GRID2: variants seen among roughly 807,000 people sequenced by gnomAD.
GRID2 encodes glutamate receptor ionotropic, delta-2.
GRID2 carries 33 observed loss-of-function variants against 114.8 expected under a neutral mutation model. That is an observed-to-expected ratio of 0.29 (90% CI 0.22 to 0.38). GRID2 has a LOEUF of 0.38. Ranked by LOEUF, GRID2 falls within the 10% of genes least tolerant of loss-of-function variation. The pLI is 1.00. For missense variants in GRID2, 1,184 were observed against 1,257.7 expected (o/e 0.94, Z 0.89); for synonymous variants, 505 against 449.9 (o/e 1.12, Z -1.55).
chr4:93,789,839 T>C (rs183806398), intron 1 of GRID2, among the ~76,000 whole-genome samples: 143 of 152,284 alleles, frequency 9.4e-4, no homozygotes, highest in African/African-American at 3.3e-3. Flanking sequence ...CCCCGGGCCA[T>C]GGGCCAGTAC....
At chr4:93,111,939 T>C (rs1297433556) in intron 4 of GRID2, 2 of 152,112 alleles carry the variant, frequency 1.3e-5, no homozygotes, top group Non-Finnish European at 2.9e-5. Context: ...GTCAGTAATA[T>C]AAAATTTTTC....
intron 2 of GRID2, among the ~76,000 whole-genome samples, chr4:93,024,962 T>A (rs957612666): frequency 3.3e-5 from 5 of 151,790 alleles, no homozygotes; most frequent in African/African-American, 1.2e-4. Flanking sequence ...ATAACTAAAA[T>A]GGCAACTGGC....
At chr4:92,621,507 A>C (rs1169102964) in intron 2 of GRID2, among the ~76,000 whole-genome samples, 1 of 151,770 alleles carries the variant, frequency 6.6e-6, no homozygotes, top group Non-Finnish European at 1.5e-5. Flanking sequence ...CAGGTGTATA[A>C]AAACTCCATA....
chr4:92,667,989 G>T (rs751671558), intron 2 of GRID2, among the ~76,000 whole-genome samples: 1 of 151,708 alleles, frequency 6.6e-6, no homozygotes, highest in East Asian at 1.9e-4. Context: ...TCAGCATGTG[G>T]TACTACCGGT....
intron 1 of GRID2, among the ~76,000 whole-genome samples, chr4:92,328,283 G>A (rs1726699320): frequency 6.6e-6 from 1 of 152,018 alleles, no homozygotes; most frequent in African/African-American, 2.4e-5. Flanking sequence ...GCAAGAGAGT[G>A]ACAGGTCATT....
chr4:92,628,028 G>T (rs950495892), intron 2 of GRID2, among the ~76,000 whole-genome samples: 6 of 152,066 alleles, frequency 3.9e-5, no homozygotes, highest in African/African-American at 1.4e-4. Context: ...AAATATGATC[G>T]AGAGCATAGC....
intron 1 of GRID2, among the ~76,000 whole-genome samples, chr4:92,489,112 A>G (rs1236857800): frequency 6.6e-6 from 1 of 152,206 alleles, no homozygotes; most frequent in East Asian, 1.9e-4. Context: ...CCCTATGAGT[A>G]AACTAAATAT....
At chr4:93,223,894 T>C (rs1333854928) in intron 6 of GRID2, among the ~76,000 whole-genome samples, 1 of 152,168 alleles carries the variant, frequency 6.6e-6, no homozygotes, top group Non-Finnish European at 1.5e-5. Context: ...TTGGCTATAA[T>C]TTATTTTTCA....
At chr4:92,947,823 G>A (rs191428937) in intron 2 of GRID2, among the ~76,000 whole-genome samples, 241 of 151,906 alleles carry the variant, frequency 1.6e-3, no homozygotes, top group Non-Finnish European at 2.5e-3. Flanking sequence ...TATATCACAA[G>A]CTTTTAATAT....
chr4:93,622,516 T>C (rs1432458586), intron 13 of GRID2, among the ~76,000 whole-genome samples: 1 of 152,204 alleles, frequency 6.6e-6, no homozygotes, highest in Non-Finnish European at 1.5e-5. Flanking sequence ...AAAAATCCCC[T>C]AGTAATTCTA....
At chr4:92,455,923 C>T (rs942631401) in intron 1 of GRID2, among the ~76,000 whole-genome samples, 1 of 152,102 alleles carries the variant, frequency 6.6e-6, no homozygotes, top group African/African-American at 2.4e-5. Context: ...AAACTGCTGC[C>T]ACTTGTTGCA....
chr4:93,392,962 A>G (rs1031322405), intron 8 of GRID2, among the ~76,000 whole-genome samples: 4 of 152,038 alleles, frequency 2.6e-5, no homozygotes, highest in African/African-American at 9.7e-5. Context: ...TGTGAAGCTT[A>G]CATGTATAAA....
chr4:92,941,589 A>G (rs892833325), intron 2 of GRID2, among the ~76,000 whole-genome samples: 8 of 151,658 alleles, frequency 5.3e-5, no homozygotes, highest in South Asian at 4.2e-4. Context: ...TCTGATCTTA[A>G]TTATTTCTTG....
chr4:92,960,280 C>T (rs1752715406), intron 2 of GRID2, among the ~76,000 whole-genome samples: 1 of 151,946 alleles, frequency 6.6e-6, no homozygotes, highest in Non-Finnish European at 1.5e-5. Context: ...ATATTCAGTT[C>T]ATTGATGGTG....
At chr4:93,701,679 A>G (rs1297559384) in intron 14 of GRID2, among the ~76,000 whole-genome samples, 1 of 151,982 alleles carries the variant, frequency 6.6e-6, no homozygotes, top group African/African-American at 2.4e-5. Context: ...AAAACTCCTC[A>G]ATGGATGTTG....
At chr4:93,350,000 G>A (rs1303319928) in intron 8 of GRID2, among the ~76,000 whole-genome samples, 2 of 152,054 alleles carry the variant, frequency 1.3e-5, no homozygotes, top group Admixed American at 1.3e-4. Context: ...CTTAACAGAA[G>A]ACCAGGTATC....
rs549963077 is a variant in GRID2, at chr4:92,950,913, AATCCAT to A, written c.245-134081_245-134076del. 1.1e-3 allele frequency among the ~76,000 whole-genome samples: 169 copies of A among 152,250 alleles called. 1 individual carries two copies. The highest frequency in any genetic ancestry group is 4.0e-3 in the African/African-American group (166 of 41,556). ...CTGTAGCTTTGAAAATTACTTGGCAAATCCATTTTCAGATTATGTATACTGATTATG... is the reference window on the plus strand; with the variant it reads ...CTGTAGCTTTGAAAATTACTTGGCAATTTCAGATTATGTATACTGATTATG... On this transcript the variant is annotated intron_variant, in intron 2 of 15. Transcript: ENST00000282020.
chr4:92,306,310 T>C (rs562400828), intron 1 of GRID2, among the ~76,000 whole-genome samples: 3 of 152,254 alleles, frequency 2.0e-5, no homozygotes, highest in Non-Finnish European at 4.4e-5. Context: ...CAAGCACTAA[T>C]AGCTTGCCTG....
chr4:93,303,551 C>A (rs1755092637), intron 8 of GRID2, among the ~76,000 whole-genome samples: 1 of 152,166 alleles, frequency 6.6e-6, no homozygotes, highest in South Asian at 2.1e-4. Context: ...TAATATCAGG[C>A]TCTCATCACA....
Sources: gnomAD v4.1 joint callset for allele counts (sites outside exome capture counted in the v4.1 genomes callset) on GRCh38, gnomAD v4.1.1 for gene constraint, MANE v1.5 for transcripts, NCBI Gene and HGNC (gene_info 2026-07-23, HGNC 2026-07-21) for gene names.